Variants in DERA observed in about 807,000 individuals in gnomAD.
DERA encodes 2-deoxy-D-ribose 5-phosphate aldolase.
A neutral mutation model predicts 41.1 loss-of-function variants in DERA; 15 were observed. That is an observed-to-expected ratio of 0.37 (90% confidence interval 0.24 to 0.56). DERA has a LOEUF of 0.56. Among genes scored for constraint, DERA ranks in the 20% least tolerant of loss-of-function variants. The pLI is 0.81. For synonymous variants in DERA, 139 were observed against 137.4 expected, an observed-to-expected ratio of 1.01 and a Z score of -0.08; for missense variants, 396 against 403.4, an observed-to-expected ratio of 0.98 and a Z score of 0.16.
chr12:15,928,584 G>T lies in DERA; in HGVS notation c.31+17170G>T, dbSNP rs2136129033. 6.6e-6 allele frequency among the ~76,000 whole-genome samples: 1 copy of T among 152,322 alleles called. No homozygotes were observed. The highest frequency in any genetic ancestry group is 1.9e-4 in the East Asian group (1 of 5,178). ...AGCTGATGGCAAGGACAGCCCTTATGAAGTAGGGGAGATTTTGCCTGTGGG... is the reference window on the plus strand; with the variant it reads ...AGCTGATGGCAAGGACAGCCCTTATTAAGTAGGGGAGATTTTGCCTGTGGG... On this transcript the variant is annotated intron_variant, in intron 1 of 8. Transcript: ENST00000428559. This position sits in a 1 kb window ranked among gnomAD's most constrained non-coding sequence, Gnocchi z 4.6.
Position 15,998,728 on chromosome 12 carries a change from ATTG to A in DERA, c.637+16295_637+16297del, listed in dbSNP as rs1948855866. On this transcript the variant is annotated intron_variant, in intron 6 of 8. Coordinates refer to ENST00000428559, the MANE Select transcript of DERA (RefSeq NM_015954.4). The surrounding 1 kb of genome is among the most constrained non-coding windows in gnomAD (Gnocchi z 4.8). The stretch of plus-strand genomic sequence containing the variant: ...TAGGCAGTCCACAGTTAACAAACCA[ATTG>A]TTCTAGTAGTTATTTTCATTGCAAT... Among the ~76,000 whole-genome samples, 1 of 152,094 alleles carries A rather than the reference ATTG, an allele frequency of 6.6e-6. No individual in the cohort carries two copies.
At chr12:15,925,794 G>A (rs1207087316) in intron 1 of DERA, among the ~76,000 whole-genome samples, 1 of 148,068 alleles carries the variant, frequency 6.8e-6, no homozygotes, top group African/African-American at 2.5e-5. Flanking sequence ...GTGTTTTCAT[G>A]CAGTGAGGCC....
At position 15,947,827 on chromosome 12, in the gene DERA, G is replaced by GT. The variant is rs1288247375; in HGVS notation, c.32-9103dup. Among the ~76,000 whole-genome samples, 26 of 152,186 alleles carry GT rather than the reference G, an allele frequency of 1.7e-4. 1 individual carries two copies. The highest frequency in any genetic ancestry group is 6.3e-4 in the African/African-American group (26 of 41,444). Reference sequence around the variant, plus strand: ...ATTGACGGTCTTTACAATTTGGCATGTTTTTTCAGTGGCTGGTACCGGTTG... The same window carrying GT: ...ATTGACGGTCTTTACAATTTGGCATGTTTTTTTCAGTGGCTGGTACCGGTTG... On this transcript the variant is annotated intron_variant, in intron 1 of 8. Coordinates refer to ENST00000428559, the MANE Select transcript of DERA (RefSeq NM_015954.4).
intron 6 of DERA, among the ~76,000 whole-genome samples, chr12:16,031,575 C>T (rs1330989674): frequency 6.6e-6 from 1 of 152,186 alleles, no homozygotes; most frequent in African/African-American, 2.4e-5. Flanking sequence ...GCTGCTGGTA[C>T]ATCTTCCACA....
intron 7 of DERA, among the ~76,000 whole-genome samples, chr12:16,034,253 G>A (rs1442816478): frequency 6.6e-6 from 1 of 152,162 alleles, no homozygotes; most frequent in Non-Finnish European, 1.5e-5. Context: ...TTAACCATGT[G>A]CCATGTTAAC....
intron 1 of DERA, among the ~76,000 whole-genome samples, chr12:15,937,232 A>G (rs1002759403): frequency 4.6e-5 from 7 of 152,186 alleles, no homozygotes; most frequent in African/African-American, 1.7e-4. Context: ...CTAAGATTAT[A>G]TATGTGAGCC....
In DERA at chr12:15,989,373, T is replaced by C. The variant is rs1237076521; in HGVS notation, c.637+6937T>C. Among the ~76,000 whole-genome samples the C allele has an allele frequency of 6.6e-6, 1 of 152,248 alleles. No homozygotes were observed. Among genetic ancestry groups the C allele is most frequent in the East Asian group, 1.9e-4 (1 of 5,200 alleles). On this transcript the variant is annotated intron_variant, in intron 6 of 8. Transcript: ENST00000428559. The surrounding 1 kb of genome is among the most constrained non-coding windows in gnomAD (Gnocchi z 5.2). ...CAGTGAAATGTATGCTGCTGTACAT[T>C]TTTAGTTTAGAATTTCCATTTGATT...
chr12:15,962,956 A>G lies in DERA; in HGVS notation c.508+9A>G, dbSNP rs747614063. ...GACAGGCCAGTGGGAAGGTAGGTGC[A>G]TGCTTTTACCTAAGAGAGTTTCACC... On this transcript the variant is annotated intron_variant, in intron 5 of 8. Transcript: ENST00000428559. The G allele has an allele frequency of 2.5e-6, 4 of 1,603,854 alleles. No individual in the cohort carries two copies. Among genetic ancestry groups the G allele is most frequent in the African/African-American group, 1.3e-5 (1 of 74,876 alleles).
rs1286417824 is a variant in DERA at position 15,958,308 on chromosome 12, T to C, written c.250T>C (p.Leu84=). Reference sequence around the variant, plus strand: ...CAAATACCCAATCCGGGAAGATCTCTTAAAAGCTTTAAATATGCATGATAA... The same window carrying C: ...CAAATACCCAATCCGGGAAGATCTCCTAAAAGCTTTAAATATGCATGATAA... The part of the protein sequence containing the change: ...KAKYPIREDL[L]KALNMHDKGI... The change falls in exon 3 of 9, where the codon TTA becomes CTA. Residue 84 remains leucine, a synonymous_variant. Coordinates refer to ENST00000428559, the MANE Select transcript of DERA (RefSeq NM_015954.4). The C allele has an allele frequency of 2.5e-6, 4 of 1,604,022 alleles. No homozygotes were observed. Among genetic ancestry groups the C allele is most frequent in the South Asian group, 2.3e-5 (2 of 88,650 alleles).
At position 15,957,074 on chromosome 12, in the gene DERA, A is replaced by G; in HGVS notation, c.129+41A>G. ...GAGCATTCTGTGCCTGTATTTTACA[A>G]TGCATGGTCTCTTCCCTCAAGGCCA... On this transcript the variant is annotated intron_variant, in intron 2 of 8. Coordinates refer to ENST00000428559, the MANE Select transcript of DERA (RefSeq NM_015954.4). This position sits in a 1 kb window ranked among gnomAD's most constrained non-coding sequence, Gnocchi z 4.8. 1.4e-6 allele frequency: 2 copies of G among 1,468,786 alleles called. No individual in the cohort carries two copies. The highest frequency in any genetic ancestry group is 2.3e-5 in the South Asian group (2 of 87,386). 91.0% of individuals were successfully genotyped at this position (1,468,786 alleles called of 1,614,324 possible).
At chr12:15,953,355 C>A (rs1948512987) in intron 1 of DERA, among the ~76,000 whole-genome samples, 3 of 152,270 alleles carry the variant, frequency 2.0e-5, no homozygotes, top group African/African-American at 7.2e-5. Flanking sequence ...GTGAAAAATA[C>A]AGGAACTTCT....
At position 15,928,996 on chromosome 12, in the gene DERA, G is replaced by A. The variant is rs571268055; in HGVS notation, c.31+17582G>A. Among the ~76,000 whole-genome samples the A allele has an allele frequency of 9.2e-5, 14 of 152,274 alleles. No homozygotes were observed. In the South Asian group the frequency reaches 1.2e-3, roughly 14 times the overall value. On this transcript the variant is annotated intron_variant, in intron 1 of 8. Transcript: ENST00000428559. This position sits in a 1 kb window ranked among gnomAD's most constrained non-coding sequence, Gnocchi z 4.6. Reference sequence around the variant, plus strand: ...AGCGTTCTCTGTGAAAACTGGACAGGAGTCAGCTCCTTTAGAGCACTGGCT... The same window carrying A: ...AGCGTTCTCTGTGAAAACTGGACAGAAGTCAGCTCCTTTAGAGCACTGGCT...
At chr12:15,914,289 C>T (rs775247269) in intron 1 of DERA, among the ~76,000 whole-genome samples, 1 of 150,638 alleles carries the variant, frequency 6.6e-6, no homozygotes, top group Non-Finnish European at 1.5e-5. Flanking sequence ...AGCTGAGGTA[C>T]GAGAATCGCT....
In DERA at chr12:16,001,254, T is replaced by C. The variant is rs1948872890; in HGVS notation, c.637+18818T>C. Among the ~76,000 whole-genome samples, 1 of 152,132 alleles carries C rather than the reference T, an allele frequency of 6.6e-6. No individual in the cohort carries two copies. The highest frequency in any genetic ancestry group is 2.1e-4 in the South Asian group (1 of 4,828). ...GCACATTCTGCACATGTTTATCCTA[T>C]TTTTTTGTTTGTTTGTTTGTTTTTA... On this transcript the variant is annotated intron_variant, in intron 6 of 8. Transcript: ENST00000428559. The surrounding 1 kb of genome is among the most constrained non-coding windows in gnomAD (Gnocchi z 4.1).
intron 1 of DERA, among the ~76,000 whole-genome samples, chr12:15,948,411 C>G (rs1292280763): frequency 6.6e-6 from 1 of 152,086 alleles, no homozygotes; most frequent in African/African-American, 2.4e-5. Flanking sequence ...TCTTTTTACT[C>G]TTTTTTCTCT....
rs997229484 is a variant in DERA, at chr12:16,014,035, G to C, written c.638-18507G>C. On this transcript the variant is annotated intron_variant, in intron 6 of 8. Coordinates refer to ENST00000428559, the MANE Select transcript of DERA (RefSeq NM_015954.4). This position sits in a 1 kb window ranked among gnomAD's most constrained non-coding sequence, Gnocchi z 5.4. ...CTAAGCAGAAAAGTGTTCAAGAGGTGACTGGGTGTTCTTAAAAGCATTCAG... is the reference window on the plus strand; with the variant it reads ...CTAAGCAGAAAAGTGTTCAAGAGGTCACTGGGTGTTCTTAAAAGCATTCAG... Among the ~76,000 whole-genome samples the C allele has an allele frequency of 1.3e-5, 2 of 152,194 alleles. No homozygotes were observed. Among genetic ancestry groups the C allele is most frequent in the African/African-American group, 4.8e-5 (2 of 41,440 alleles).
At chr12:15,951,104 G>A (rs539030713) in intron 1 of DERA, among the ~76,000 whole-genome samples, 1 of 152,354 alleles carries the variant, frequency 6.6e-6, no homozygotes, top group East Asian at 1.9e-4. Context: ...TGTACCTTGA[G>A]CATGGACTAG....
At chr12:15,953,193 C>G (rs548667933) in intron 1 of DERA, among the ~76,000 whole-genome samples, 2 of 152,208 alleles carry the variant, frequency 1.3e-5, no homozygotes, top group Non-Finnish European at 2.9e-5. Context: ...GATAAGCCTA[C>G]TGTGACCTAC....
At chr12:16,029,448 A>C (rs1260096472) in intron 6 of DERA, among the ~76,000 whole-genome samples, 3 of 152,114 alleles carry the variant, frequency 2.0e-5, no homozygotes, top group Admixed American at 6.5e-5. Context: ...ATAAATAAAT[A>C]AATAAATAAA....
Sources: allele counts gnomAD v4.1 joint callset (sites outside exome capture counted in the v4.1 genomes callset), GRCh38; gene constraint gnomAD v4.1.1; non-coding constraint Gnocchi (gnomAD v3.1); transcripts MANE v1.5; gene names NCBI Gene and HGNC (gene_info 2026-07-23, HGNC 2026-07-21).